Variants in KIF1B observed in about 807,000 individuals in gnomAD.
The protein encoded by KIF1B is kinesin family member 1B.
A neutral mutation model predicts 241.9 loss-of-function variants in KIF1B; 76 were observed. The observed-to-expected ratio is 0.31, with a 90% confidence interval of 0.26 to 0.38. KIF1B has a LOEUF of 0.38. KIF1B is among the 10% of genes least tolerant of loss of function. The probability of loss-of-function intolerance (pLI) is 1.00; values close to 1 mark genes in which losing one functional copy is unlikely to be tolerated. For missense variants in KIF1B, 1,622 were observed against 2,271.4 expected, an observed-to-expected ratio of 0.71 and a Z score of 5.81; for synonymous variants, 750 against 796.7, an observed-to-expected ratio of 0.94 and a Z score of 0.99.
intron 22 of KIF1B, among the ~76,000 whole-genome samples, chr1:10,313,816 T>C (rs775111450): frequency 7.3e-5 from 11 of 151,278 alleles, no homozygotes; most frequent in East Asian, 1.9e-4. Flanking sequence ...TCCCAAAGTG[T>C]TGAGATTACA....
At position 10,324,896 on chromosome 1, in the gene KIF1B, G is replaced by A; in HGVS notation, c.2675+1G>A. On this transcript the variant is annotated splice_donor_variant, in intron 26 of 48. Coordinates refer to ENST00000676179, the MANE Select transcript of KIF1B (RefSeq NM_001365951.3). LOFTEE classifies it high-confidence loss of function. ...TCCACTGGTTCAAACTTGTGGGGAG[G>A]TATGTGATGATTTTGTTGATGTCTT... 1 of 1,613,838 alleles carries A rather than the reference G, an allele frequency of 6.2e-7. No individual in the cohort carries two copies. Among genetic ancestry groups the A allele is most frequent in the Non-Finnish European group, 8.5e-7 (1 of 1,179,966 alleles).
At chr1:10,360,131 A>G (rs984463705) in intron 38 of KIF1B, among the ~76,000 whole-genome samples, 1 of 152,136 alleles carries the variant, frequency 6.6e-6, no homozygotes, top group African/African-American at 2.4e-5. Flanking sequence ...CCCTTCAGAT[A>G]TATCTGTGGT....
intron 44 of KIF1B, among the ~76,000 whole-genome samples, 177 bp from the exon 45 acceptor site, chr1:10,370,964 T>C (rs1638715690): frequency 6.6e-6 from 1 of 152,138 alleles, no homozygotes; most frequent in African/African-American, 2.4e-5. Context: ...CCTTGTCTCT[T>C]AAAATTTTAC....
intron 27 of KIF1B, among the ~76,000 whole-genome samples, chr1:10,332,927 A>C (rs545838409): frequency 2.7e-5 from 4 of 150,352 alleles, no homozygotes; most frequent in Non-Finnish European, 5.9e-5. Flanking sequence ...TTCTCCTGCT[A>C]CAGCCTCTTG....
intron 10 of KIF1B, chr1:10,275,021 T>C: frequency 3.1e-6 from 1 of 326,336 alleles, no homozygotes; most frequent in South Asian, 2.5e-5. Context: ...GAGAATGTTC[T>C]TATATGCTGA....
rs1375174052 is a variant in KIF1B, at chr1:10,305,251, CTTCTT to C, written c.2115+8008_2115+8012del. 3 of 1,042,310 alleles carry C rather than the reference CTTCTT, an allele frequency of 2.9e-6. No individual in the cohort carries two copies. In the East Asian group the frequency reaches 1.7e-4, roughly 60 times the overall value. 64.6% of individuals were successfully genotyped at this position (1,042,310 alleles called of 1,614,324 possible). ...TGCATCTTCCACACAACTTCCACGT[CTTCTT>C]TTATTCTGTATTTTACAAAAAACTC... On this transcript the variant is annotated intron_variant, in intron 22 of 48. Coordinates refer to ENST00000676179, the MANE Select transcript of KIF1B (RefSeq NM_001365951.3).
rs1468758318 is a variant in KIF1B at position 10,380,970 on chromosome 1, A to G, written c.*4383A>G. On this transcript the variant is annotated 3_prime_UTR_variant, in exon 49 of 49. Transcript: ENST00000676179. The stretch of plus-strand genomic sequence containing the variant: ...ATTTGAGCCCCATAAGATCTTTAAA[A>G]AGCCTCCAATCATTTAAAGGAAGAA... 2 of 222,242 alleles carry G rather than the reference A, an allele frequency of 9.0e-6. No individual in the cohort carries two copies. The highest frequency in any genetic ancestry group is 4.5e-5 in the African/African-American group (2 of 44,708). The allele number at this position is 222,242 out of a possible 1,614,324, so 13.8% of individuals were successfully genotyped here.
In KIF1B at chr1:10,324,046, T is replaced by G. The variant is rs1183079805; in HGVS notation, c.2521T>G (p.Ser841Ala). ...DLKNGATHYWSLEKLKQRLDL... is the reference protein window; with the variant it reads ...DLKNGATHYWALEKLKQRLDL... Reference sequence around the variant, plus strand: ...GAAGAATGGAGCAACACACTATTGGTCTTTGGAGAAACTCAAGTATGAAAA... The same window carrying G: ...GAAGAATGGAGCAACACACTATTGGGCTTTGGAGAAACTCAAGTATGAAAA... The change falls in exon 25 of 49, where the codon TCT becomes GCT. Residue 841 changes from serine to alanine, a missense_variant. Physicochemically the swap from Ser to Ala is moderately conservative, Grantham distance 99 (BLOSUM62 1). Transcript: ENST00000676179. 2.5e-6 allele frequency: 4 copies of G among 1,614,134 alleles called. No individual in the cohort carries two copies. Among genetic ancestry groups the G allele is most frequent in the Non-Finnish European group, 2.5e-6 (3 of 1,180,002 alleles).
chr1:10,291,184 A>G (rs951300544), intron 16 of KIF1B, 23 bp downstream of exon 16: 8 of 1,533,648 alleles, frequency 5.2e-6, no homozygotes, highest in Non-Finnish European at 7.2e-6. Context: ...AAATCTGGAA[A>G]TGTTTCTAAG....
chr1:10,261,670 T>G (rs1428753975), intron 4 of KIF1B, among the ~76,000 whole-genome samples: 1 of 152,192 alleles, frequency 6.6e-6, no homozygotes, highest in African/African-American at 2.4e-5. Context: ...TTTCCAGCTT[T>G]CTTATAATCT....
intron 44 of KIF1B, among the ~76,000 whole-genome samples, chr1:10,368,966 C>A (rs1222627162): frequency 6.6e-6 from 1 of 152,170 alleles, no homozygotes; most frequent in East Asian, 1.9e-4. Context: ...TCAGCTTGAC[C>A]TTAAACCCTC....
chr1:10,256,224 A>G, intron 2 of KIF1B, 23 bp from the exon 3 acceptor site: 1 of 1,489,908 alleles, frequency 6.7e-7, no homozygotes, highest in Non-Finnish European at 9.4e-7. Flanking sequence ...TGACTTATAA[A>G]ATGAAACATT....
intron 22 of KIF1B, chr1:10,304,340 A>G (rs768122964): frequency 6.2e-6 from 10 of 1,614,054 alleles, no homozygotes; most frequent in African/African-American, 1.3e-5. Context: ...TGGAGAAGCA[A>G]TTCTCTCAAT....
intron 1 of KIF1B, among the ~76,000 whole-genome samples, chr1:10,216,604 C>T (rs777377930): frequency 3.3e-5 from 5 of 151,964 alleles, no homozygotes; most frequent in Non-Finnish European, 7.4e-5. Flanking sequence ...AATGTGTAGT[C>T]CGAGGTCTCC....
chr1:10,214,493 T>C (rs1646736434), intron 1 of KIF1B, among the ~76,000 whole-genome samples: 1 of 147,156 alleles, frequency 6.8e-6, no homozygotes, highest in African/African-American at 2.5e-5. Context: ...TTTCACCATG[T>C]TGGCCAGGCA....
intron 7 of KIF1B, among the ~76,000 whole-genome samples, chr1:10,271,209 A>C (rs1648779125): frequency 6.6e-6 from 1 of 151,572 alleles, no homozygotes; most frequent in Admixed American, 6.6e-5. Flanking sequence ...TTTTAGAGAC[A>C]CAAGGGTGTT....
chr1:10,279,168 GTAC>G (rs1649275937), intron 14 of KIF1B, 30 bp downstream of exon 14: 1 of 1,464,144 alleles, frequency 6.8e-7, no homozygotes, highest in Non-Finnish European at 9.4e-7. Context: ...GTTATTTCCA[GTAC>G]TCTGACTTGC....
At chr1:10,227,766 C>T (rs150712502) in intron 1 of KIF1B, 2,625 of 154,218 alleles carry the variant, frequency 0.017, 85 homozygotes, top group African/African-American at 0.06. Context: ...CAAGATCGTG[C>T]CACTGCACTT....
intron 15 of KIF1B, among the ~76,000 whole-genome samples, chr1:10,286,357 T>A (rs1039222321): frequency 6.6e-6 from 1 of 152,234 alleles, no homozygotes; most frequent in Non-Finnish European, 1.5e-5. Flanking sequence ...CAAATAAGGT[T>A]TTAAACATGC....
Sources: gnomAD v4.1 joint callset for allele counts (sites outside exome capture counted in the v4.1 genomes callset) on GRCh38, gnomAD v4.1.1 for gene constraint, MANE v1.5 for transcripts, NCBI Gene and HGNC (gene_info 2026-07-23, HGNC 2026-07-21) for gene names.